The following CNTNAP2 variants were observed in gnomAD, a reference collection of about 807,000 sequenced individuals.
CNTNAP2 encodes contactin associated protein 2.
CNTNAP2 carries 98 observed loss-of-function variants against 155.2 expected under a neutral mutation model. The observed-to-expected ratio is 0.63, with a 90% confidence interval of 0.54 to 0.75. CNTNAP2 has a LOEUF of 0.75. Ranked by LOEUF, CNTNAP2 falls within the 30% of genes least tolerant of loss-of-function variation. The probability of loss-of-function intolerance (pLI) is 0.00; values close to 1 mark genes in which losing one functional copy is unlikely to be tolerated. For missense variants in CNTNAP2, 1,727 were observed against 1,688.1 expected, an observed-to-expected ratio of 1.02 and a Z score of -0.40; for synonymous variants, 651 against 631.2, an observed-to-expected ratio of 1.03 and a Z score of -0.47.
intron 1 of CNTNAP2, among the ~76,000 whole-genome samples, chr7:146,712,331 CT>C (rs1801106412): frequency 1.6e-5 from 2 of 122,284 alleles, no homozygotes; most frequent in African/African-American, 7.4e-5. Context: ...CTTATGTATA[CT>C]ATATAGTATA....
intron 4 of CNTNAP2, among the ~76,000 whole-genome samples, chr7:147,087,852 C>A (rs1800313223): frequency 6.6e-6 from 1 of 152,092 alleles, no homozygotes; most frequent in South Asian, 2.1e-4. Flanking sequence ...TGGCGCACAC[C>A]TGTAGTCCCA....
chr7:147,986,730 C>T (rs1801623618), intron 15 of CNTNAP2, among the ~76,000 whole-genome samples: 2 of 152,150 alleles, frequency 1.3e-5, no homozygotes, highest in South Asian at 4.1e-4. Flanking sequence ...TGCCTATCAA[C>T]AGCTGAGTGG....
rs571539096 is a variant in CNTNAP2 at position 146,958,507 on chromosome 7, G to A, written c.403-85400G>A. Reference sequence around the variant, plus strand: ...CAGCTCACTGCAAGCTCTGCCTCCAGGGTTCATGCCATTCTCCTGCCTCAG... The same window carrying A: ...CAGCTCACTGCAAGCTCTGCCTCCAAGGTTCATGCCATTCTCCTGCCTCAG... On this transcript the variant is annotated intron_variant, in intron 3 of 23. Transcript: ENST00000361727. 2.1e-5 allele frequency among the ~76,000 whole-genome samples: 3 copies of A among 146,012 alleles called. No individual in the cohort carries two copies. In the Admixed American group the frequency reaches 2.1e-4, roughly 10 times the overall value.
chr7:147,541,022 A>G (rs975675813), intron 11 of CNTNAP2, among the ~76,000 whole-genome samples: 1 of 152,220 alleles, frequency 6.6e-6, no homozygotes, highest in African/African-American at 2.4e-5. Context: ...GATTTCCACT[A>G]AAGATACTTA....
At chr7:146,764,665 A>G (rs1802164750) in intron 1 of CNTNAP2, among the ~76,000 whole-genome samples, 1 of 152,150 alleles carries the variant, frequency 6.6e-6, no homozygotes, top group Non-Finnish European at 1.5e-5. Context: ...AATTTGAACT[A>G]CTTCTCGAAG....
At chr7:146,804,917 C>T (rs573275626) in intron 2 of CNTNAP2, among the ~76,000 whole-genome samples, 3 of 152,320 alleles carry the variant, frequency 2.0e-5, no homozygotes, top group South Asian at 2.1e-4. Context: ...TGCAAGTCCT[C>T]ATTGTCCTCC....
chr7:147,500,555 G>T (rs1798791602), intron 11 of CNTNAP2, among the ~76,000 whole-genome samples: 2 of 152,180 alleles, frequency 1.3e-5, no homozygotes, highest in South Asian at 2.1e-4. Flanking sequence ...CTATCCCACT[G>T]CTTAGTGCTT....
chr7:146,287,958 A>T (rs1339976274), intron 1 of CNTNAP2, among the ~76,000 whole-genome samples: 2 of 152,116 alleles, frequency 1.3e-5, no homozygotes, highest in Non-Finnish European at 2.9e-5. Context: ...ATTTGTATTA[A>T]ATTTTCTCTT....
intron 3 of CNTNAP2, among the ~76,000 whole-genome samples, chr7:147,000,508 G>T (rs1321536594): frequency 6.6e-6 from 1 of 152,034 alleles, no homozygotes; most frequent in Non-Finnish European, 1.5e-5. Flanking sequence ...AGTCTTTGCA[G>T]TCTGCCTTTG....
chr7:147,598,219 G>A (rs1800867102), intron 12 of CNTNAP2, among the ~76,000 whole-genome samples: 1 of 151,060 alleles, frequency 6.6e-6, no homozygotes, highest in Non-Finnish European at 1.5e-5. Context: ...GAACGTGCAG[G>A]TTTGCTACAT....
At chr7:146,541,130 T>C (rs1483568162) in intron 1 of CNTNAP2, among the ~76,000 whole-genome samples, 2 of 152,054 alleles carry the variant, frequency 1.3e-5, no homozygotes, top group African/African-American at 4.8e-5. Context: ...GCTTTTCTTC[T>C]TCCTCCTTGT....
At chr7:146,708,278 C>T (rs569463042) in intron 1 of CNTNAP2, among the ~76,000 whole-genome samples, 41 of 151,974 alleles carry the variant, frequency 2.7e-4, no homozygotes, top group African/African-American at 8.9e-4. Flanking sequence ...AGGACCTTAC[C>T]GGAAGGAGGC....
intron 1 of CNTNAP2, among the ~76,000 whole-genome samples, chr7:146,301,807 G>A (rs185141916): frequency 6.6e-6 from 1 of 152,162 alleles, no homozygotes; most frequent in African/African-American, 2.4e-5. Context: ...GGGACAGCCT[G>A]TGTGCTGGGT....
chr7:146,285,338 G>A (rs1014811084), intron 1 of CNTNAP2, among the ~76,000 whole-genome samples: 2 of 151,850 alleles, frequency 1.3e-5, no homozygotes, highest in African/African-American at 4.8e-5. Flanking sequence ...CATTTCACTT[G>A]CTTATAGTCC....
At chr7:147,158,914 T>G (rs1563097376) in intron 8 of CNTNAP2, among the ~76,000 whole-genome samples, 1 of 152,054 alleles carries the variant, frequency 6.6e-6, no homozygotes. Flanking sequence ...TACAGTGTAA[T>G]AAAATCCATA....
chr7:147,483,009 G>A (rs998358544), intron 10 of CNTNAP2, among the ~76,000 whole-genome samples: 1 of 151,886 alleles, frequency 6.6e-6, no homozygotes, highest in South Asian at 2.1e-4. Flanking sequence ...TGGTGCCACT[G>A]CACTCCAGCC....
At chr7:146,339,020 T>TA (rs942699818) in intron 1 of CNTNAP2, among the ~76,000 whole-genome samples, 8 of 151,854 alleles carry the variant, frequency 5.3e-5, no homozygotes, top group African/African-American at 1.5e-4. Context: ...CCTTCTCTAA[T>TA]AAAAAAATAC....
intron 1 of CNTNAP2, among the ~76,000 whole-genome samples, chr7:146,259,130 T>A (rs1799882655): frequency 6.6e-6 from 1 of 152,170 alleles, no homozygotes; most frequent in Non-Finnish European, 1.5e-5. Context: ...TGCTTGCTTA[T>A]CCTTCACCTT....
intron 1 of CNTNAP2, among the ~76,000 whole-genome samples, chr7:146,486,810 A>G (rs930934215): frequency 1.3e-5 from 2 of 152,080 alleles, no homozygotes; most frequent in African/African-American, 4.8e-5. Flanking sequence ...AAAGAATCGA[A>G]AGGTTCCTGT....
Sources: allele counts gnomAD v4.1 joint callset (sites outside exome capture counted in the v4.1 genomes callset), GRCh38; gene constraint gnomAD v4.1.1; transcripts MANE v1.5; gene names NCBI Gene and HGNC (gene_info 2026-07-23, HGNC 2026-07-21).